The following MAP2 variants were observed in gnomAD, a reference collection of about 807,000 sequenced individuals.
The protein encoded by MAP2 is microtubule associated protein 2.
Under a neutral mutation model 137.6 loss-of-function variants are expected in MAP2, and 14 were observed. The observed-to-expected ratio is 0.10, with a 90% CI of 0.07 to 0.16. The LOEUF is 0.16. MAP2 is among the 10% of genes least tolerant of loss of function. The pLI, the probability that MAP2 is intolerant of heterozygous loss-of-function variation, is 1.00. For synonymous variants in MAP2, 786 were observed against 782.3 expected (o/e 1.00, Z -0.08); for missense variants, 2,088 against 2,191.5 (o/e 0.95, Z 0.94).
intron 7 of MAP2, among the ~76,000 whole-genome samples, chr2:209,686,368 T>A (rs2057009200): frequency 6.6e-6 from 1 of 152,220 alleles, no homozygotes; most frequent in African/African-American, 2.4e-5. Context: ...ATTTCAGACT[T>A]ATTTCTAGTT....
chr2:209,583,360 G>A (rs2076970959), intron 3 of MAP2, among the ~76,000 whole-genome samples: 1 of 151,958 alleles, frequency 6.6e-6, no homozygotes, highest in African/African-American at 2.4e-5. Flanking sequence ...TATTCATAAA[G>A]CATTTTCCAT....
chr2:209,604,525 G>A (rs2084015765), intron 3 of MAP2, among the ~76,000 whole-genome samples: 1 of 152,184 alleles, frequency 6.6e-6, no homozygotes, highest in South Asian at 2.1e-4. Context: ...ACTAAGAAAA[G>A]GGATATCCTC....
intron 2 of MAP2, among the ~76,000 whole-genome samples, chr2:209,541,544 C>T (rs1266540244): frequency 6.6e-6 from 1 of 151,476 alleles, no homozygotes; most frequent in Non-Finnish European, 1.5e-5. Flanking sequence ...TGTTTGATAG[C>T]ATTTCAACCA....
chr2:209,446,539 A>AT (rs1408852504), intron 1 of MAP2, among the ~76,000 whole-genome samples: 1 of 151,814 alleles, frequency 6.6e-6, no homozygotes, highest in Admixed American at 6.6e-5. Flanking sequence ...AATGTAGAAA[A>AT]TTTTTTATTT....
chr2:209,531,142 A>G (rs1419855218), intron 2 of MAP2, among the ~76,000 whole-genome samples: 1 of 152,214 alleles, frequency 6.6e-6, no homozygotes, highest in African/African-American at 2.4e-5. Context: ...ATTCAGTGAC[A>G]TGATAGATGG....
chr2:209,474,951 T>A (rs530207558), intron 1 of MAP2, among the ~76,000 whole-genome samples: 1 of 152,174 alleles, frequency 6.6e-6, no homozygotes, highest in Non-Finnish European at 1.5e-5. Context: ...AATATCTTTT[T>A]CACTTTTTGC....
intron 4 of MAP2, among the ~76,000 whole-genome samples, chr2:209,626,197 T>G (rs1335609577): frequency 6.6e-6 from 1 of 152,068 alleles, no homozygotes; most frequent in Non-Finnish European, 1.5e-5. Flanking sequence ...GGGCAGATCA[T>G]GAGGTCAGGA....
At chr2:209,705,396 T>C in intron 11 of MAP2, 184 bp from the exon 12 acceptor site, 1 of 398,446 alleles carries the variant, frequency 2.5e-6, no homozygotes. Context: ...TTACAAAACA[T>C]CTAGGCAAAT....
chr2:209,624,164 G>A (rs1198837786), intron 3 of MAP2, among the ~76,000 whole-genome samples: 1 of 152,094 alleles, frequency 6.6e-6, no homozygotes, highest in African/African-American at 2.4e-5. Flanking sequence ...AGAGTTAATA[G>A]GTGTCAGAGT....
chr2:209,535,558 CTTT>C (rs1325695071), intron 2 of MAP2, among the ~76,000 whole-genome samples: 1 of 137,712 alleles, frequency 7.3e-6, no homozygotes, highest in Non-Finnish European at 1.6e-5. Flanking sequence ...GGCAAAGTGT[CTTT>C]TTTTTTTTTT....
chr2:209,560,142 A>G (rs1277527727), intron 2 of MAP2, among the ~76,000 whole-genome samples: 2 of 152,210 alleles, frequency 1.3e-5, no homozygotes, highest in East Asian at 3.8e-4. Flanking sequence ...TGACTCTGAG[A>G]CTAAACAGAA....
intron 2 of MAP2, among the ~76,000 whole-genome samples, chr2:209,567,283 CCTAA>C (rs539896607): frequency 3.9e-4 from 59 of 152,058 alleles, no homozygotes; most frequent in African/African-American, 1.4e-3. Context: ...CAAGTTTGCC[CCTAA>C]CTAACATAAA....
At chr2:209,506,513 C>T (rs1002596496) in intron 1 of MAP2, among the ~76,000 whole-genome samples, 1 of 152,126 alleles carries the variant, frequency 6.6e-6, no homozygotes, top group Non-Finnish European at 1.5e-5. Context: ...TAGAGACTGC[C>T]ATAGATGCTC....
chr2:209,597,819 T>G lies in MAP2; in HGVS notation c.-107+17719T>G, dbSNP rs140999122. Among the ~76,000 whole-genome samples, 100 of 152,084 alleles carry G rather than the reference T, an allele frequency of 6.6e-4. 3 individuals carry two copies. The East Asian group carries it at 0.019, about 29-fold the overall frequency. ...CTCCCCACTCCCACCCTCCTCCCCT[T>G]TGCTTACTGAAGTCCTGCTTATTGG... On this transcript the variant is annotated intron_variant, in intron 3 of 15. Coordinates refer to ENST00000682079, the MANE Select transcript of MAP2 (RefSeq NM_001375505.1).
chr2:209,467,927 A>G (rs999014372), intron 1 of MAP2, among the ~76,000 whole-genome samples: 1 of 152,206 alleles, frequency 6.6e-6, no homozygotes, highest in Non-Finnish European at 1.5e-5. Context: ...TGCCTAGCTC[A>G]TATGAAGTGC....
rs1219436734 is a variant in MAP2 at position 209,653,340 on chromosome 2, C to G, written c.170C>G (p.Ala57Gly). The change falls in exon 5 of 16, where the codon GCC becomes GGC. Residue 57 changes from alanine (A) to glycine (G), a missense_variant. Ala to Gly is a moderately conservative substitution (Grantham distance 60). This residue lies in a region of MAP2 where 859 missense variants were observed against 794.5 expected (regional missense o/e 1.08). Transcript: ENST00000682079. Reference protein sequence around the residue: ...GFPYREDEEGAFGEHGSQGTY... With the variant: ...GFPYREDEEGGFGEHGSQGTY... ...CCATACAGGGAGGATGAAGAGGGTG[C>G]CTTTGGAGAGCATGGGTCACAGGGC... The G allele has an allele frequency of 9.9e-6, 16 of 1,613,912 alleles. No individual in the cohort carries two copies. The highest frequency in any genetic ancestry group is 1.4e-5 in the Non-Finnish European group (16 of 1,179,988).
intron 2 of MAP2, among the ~76,000 whole-genome samples, chr2:209,566,556 C>T (rs1022292674): frequency 3.3e-5 from 5 of 152,142 alleles, no homozygotes; most frequent in African/African-American, 1.2e-4. Context: ...GTCGCATATT[C>T]TTGCTTCTTC....
intron 13 of MAP2, among the ~76,000 whole-genome samples, chr2:209,712,169 C>G (rs987428686): frequency 6.6e-6 from 1 of 152,032 alleles, no homozygotes; most frequent in African/African-American, 2.4e-5. Flanking sequence ...AATGTGAAGA[C>G]GTCTGTTTTC....
At chr2:209,612,175 A>G (rs975268303) in intron 3 of MAP2, among the ~76,000 whole-genome samples, 2 of 152,224 alleles carry the variant, frequency 1.3e-5, no homozygotes, top group African/African-American at 4.8e-5. Context: ...TTTAAAAACA[A>G]ATTCTGAAAT....
Sources: gnomAD v4.1 joint callset for allele counts (sites outside exome capture counted in the v4.1 genomes callset) on GRCh38, gnomAD v4.1.1 for gene constraint, gnomAD v4.1.1 regional missense constraint, MANE v1.5 for transcripts, NCBI Gene and HGNC (gene_info 2026-07-23, HGNC 2026-07-21) for gene names.